TPST2: variants seen among roughly 807,000 people sequenced by gnomAD.
TPST2 encodes the protein protein-tyrosine sulfotransferase 2.
TPST2 carries 16 observed loss-of-function variants against 27.8 expected under a neutral mutation model. That is an observed-to-expected ratio of 0.58 (90% CI 0.39 to 0.88). The LOEUF (loss-of-function observed/expected upper bound fraction) is 0.88, where lower values mean the gene tolerates loss of function less well. Among genes scored for constraint, TPST2 ranks in the 40% least tolerant of loss-of-function variants. TPST2 has a pLI of 0.00. For synonymous variants in TPST2, 229 were observed against 231.7 expected (o/e 0.99, Z 0.10); for missense variants, 464 against 543.1 (o/e 0.85, Z 1.45).
At chr22:26,570,431 T>C (rs1031045290) in intron 1 of TPST2, among the ~76,000 whole-genome samples, 8 of 152,182 alleles carry the variant, frequency 5.3e-5, no homozygotes, top group Non-Finnish European at 7.4e-5. Context: ...AAGGAGGTTA[T>C]GTCTGCTTGT....
chr22:26,527,545 C>T (rs4820684), intron 6 of TPST2, among the ~76,000 whole-genome samples: 7 of 152,188 alleles, frequency 4.6e-5, no homozygotes, highest in South Asian at 2.1e-4. Context: ...TCCCTTTCCC[C>T]ACCCCTTAGT....
chr22:26,550,222 T>C (rs1012462348), intron 1 of TPST2, among the ~76,000 whole-genome samples: 8 of 152,090 alleles, frequency 5.3e-5, no homozygotes, highest in Non-Finnish European at 1.2e-4. Context: ...TGCGGGGCCC[T>C]GCTCAAGATA....
At chr22:26,585,776 C>A (rs147279020) in intron 1 of TPST2, among the ~76,000 whole-genome samples, 2 of 152,146 alleles carry the variant, frequency 1.3e-5, no homozygotes, top group African/African-American at 4.8e-5. Flanking sequence ...TCAGGCCAGG[C>A]GTGGTGGCTC....
chr22:26,558,773 G>C (rs938298126), intron 1 of TPST2, among the ~76,000 whole-genome samples: 1 of 152,174 alleles, frequency 6.6e-6, no homozygotes, highest in Admixed American at 6.5e-5. Context: ...AAAAACTCAA[G>C]GGGGTGCCAA....
At chr22:26,561,534 A>C (rs915162454) in intron 1 of TPST2, among the ~76,000 whole-genome samples, 1 of 122,286 alleles carries the variant, frequency 8.2e-6, no homozygotes, top group African/African-American at 2.9e-5. Flanking sequence ...ACTGAATACC[A>C]CTCTGTAATT....
chr22:26,550,693 T>C, intron 1 of TPST2: 1 of 983,292 alleles, frequency 1.0e-6, no homozygotes, highest in Non-Finnish European at 1.2e-6. Context: ...TCCATTGCCA[T>C]GGCTATTCCC....
intron 3 of TPST2, among the ~76,000 whole-genome samples, chr22:26,540,402 C>T (rs1402583632): frequency 6.6e-6 from 1 of 152,134 alleles, no homozygotes; most frequent in Non-Finnish European, 1.5e-5. Context: ...GAGTTTGAGA[C>T]CAGCCTGGGC....
chr22:26,574,112 A>C (rs1013371146), intron 1 of TPST2, among the ~76,000 whole-genome samples: 1 of 152,074 alleles, frequency 6.6e-6, no homozygotes, highest in Non-Finnish European at 1.5e-5. Context: ...GGTTTTATGG[A>C]AAGTATTTCC....
chr22:26,584,549 C>T (rs1928262037), intron 1 of TPST2, among the ~76,000 whole-genome samples: 1 of 152,080 alleles, frequency 6.6e-6, no homozygotes, highest in Admixed American at 6.6e-5. Flanking sequence ...GCCTGTAACC[C>T]CAGCACTTGA....
At position 26,570,045 on chromosome 22, in the gene TPST2, C is replaced by G. The variant is rs8142735; in HGVS notation, c.-161+20008G>C. The stretch of plus-strand genomic sequence containing the variant: ...AAAGAAAGAAAGAAAGAAAGAAAGA[C>G]AGAAAGAAAGAAAGAAAGAAGGAAA... On this transcript the variant is annotated intron_variant, in intron 1 of 6. Coordinates refer to ENST00000338754, the MANE Select transcript of TPST2 (RefSeq NM_003595.5). Among the ~76,000 whole-genome samples, 5 of 96,898 alleles carry G rather than the reference C, an allele frequency of 5.2e-5. No homozygotes were observed. The Admixed American group carries it at 5.4e-4, about 10-fold the overall frequency. 63.6% of individuals were successfully genotyped at this position (96,898 alleles called of 152,430 possible).
intron 1 of TPST2, among the ~76,000 whole-genome samples, chr22:26,545,959 C>T (rs1206876707): frequency 6.6e-6 from 1 of 151,918 alleles, no homozygotes; most frequent in East Asian, 1.9e-4. Flanking sequence ...TGCCTATAGT[C>T]CCGGCTACTT....
intron 6 of TPST2, 102 bp downstream of exon 6, chr22:26,528,112 C>T: frequency 7.2e-7 from 1 of 1,392,138 alleles, no homozygotes. Context: ...GACATGTCTA[C>T]CCCAGGGAGG....
Position 26,541,874 on chromosome 22 carries a change from G to A in TPST2, c.-88-156C>T, listed in dbSNP as rs1019291347. Among the ~76,000 whole-genome samples the A allele has an allele frequency of 6.6e-6, 1 of 152,174 alleles. No homozygotes were observed. The highest frequency in any genetic ancestry group is 2.4e-5 in the African/African-American group (1 of 41,432). Reference sequence around the variant, plus strand: ...AGCTGTGTGCCTGGCACCCTGCTGGGCACTTTTTTCAATTTTTTTTGTTTT... The same window carrying A: ...AGCTGTGTGCCTGGCACCCTGCTGGACACTTTTTTCAATTTTTTTTGTTTT... On this transcript the variant is annotated intron_variant, in intron 2 of 6. Transcript: ENST00000338754. This position sits in a 1 kb window ranked among gnomAD's most constrained non-coding sequence, Gnocchi z 5.9.
chr22:26,586,646 C>T (rs886065882), intron 1 of TPST2, among the ~76,000 whole-genome samples: 2 of 148,226 alleles, frequency 1.3e-5, no homozygotes, highest in African/African-American at 2.5e-5. Context: ...CCAGATACAG[C>T]GGCTGGGAGG....
intron 1 of TPST2, chr22:26,565,175 GGT>G (rs1602291279): frequency 1.3e-5 from 2 of 152,488 alleles, no homozygotes; most frequent in Non-Finnish European, 2.9e-5. Flanking sequence ...TGACACAGCT[GGT>G]AAGTAGTAGA....
At position 26,539,067 on chromosome 22, in the gene TPST2, T is replaced by C. The variant is rs562006038; in HGVS notation, c.842+1722A>G. ...TTTTCTATAGTCAAGATGTATTACT[T>C]TGGTAATCTAATATTTTTGTCATAA... On this transcript the variant is annotated intron_variant, in intron 3 of 6. Coordinates refer to ENST00000338754, the MANE Select transcript of TPST2 (RefSeq NM_003595.5). 2.0e-5 allele frequency among the ~76,000 whole-genome samples: 3 copies of C among 152,340 alleles called. No individual in the cohort carries two copies. The East Asian group carries it at 5.8e-4, about 29-fold the overall frequency.
chr22:26,540,775 G>A lies in TPST2; in HGVS notation c.842+14C>T. Reference sequence around the variant, plus strand: ...GGCCAGAGTCTGAGTGGAAGCATCAGGGGCTCCACTCACTTGGACAGGGAG... The same window carrying A: ...GGCCAGAGTCTGAGTGGAAGCATCAAGGGCTCCACTCACTTGGACAGGGAG... On this transcript the variant is annotated intron_variant, in intron 3 of 6. Coordinates refer to ENST00000338754, the MANE Select transcript of TPST2 (RefSeq NM_003595.5). 1.3e-6 allele frequency: 2 copies of A among 1,557,354 alleles called. No individual in the cohort carries two copies. Among genetic ancestry groups the A allele is most frequent in the Non-Finnish European group, 1.7e-6 (2 of 1,149,072 alleles).
At chr22:26,588,209 A>AG (rs1928416821) in intron 1 of TPST2, among the ~76,000 whole-genome samples, 1 of 151,796 alleles carries the variant, frequency 6.6e-6, no homozygotes, top group African/African-American at 2.4e-5. Context: ...TAAAAAAAAA[A>AG]AAAGGAATGA....
rs532093385 is a variant in TPST2, at chr22:26,554,523, C to G, written c.-160-9848G>C. Among the ~76,000 whole-genome samples, 4 of 152,330 alleles carry G rather than the reference C, an allele frequency of 2.6e-5. No homozygotes were observed. In the East Asian group the frequency reaches 7.7e-4, roughly 29 times the overall value. ...GACTGAGCATAGGGGCAGGAATCCT[C>G]CACACCTGGCTGATTCCTAGCAATG... On this transcript the variant is annotated intron_variant, in intron 1 of 6. Transcript: ENST00000338754.
Sources: allele counts gnomAD v4.1 joint callset (sites outside exome capture counted in the v4.1 genomes callset), GRCh38; gene constraint gnomAD v4.1.1; non-coding constraint Gnocchi (gnomAD v3.1); transcripts MANE v1.5; gene names NCBI Gene and HGNC (gene_info 2026-07-23, HGNC 2026-07-21).